Variants in UVRAG observed in about 807,000 individuals in gnomAD.
UVRAG encodes UV radiation resistance-associated gene protein.
A neutral mutation model predicts 78.0 loss-of-function variants in UVRAG; 19 were observed. The observed-to-expected ratio is 0.24, with a 90% CI of 0.17 to 0.36. The LOEUF is 0.36. Among genes scored for constraint, UVRAG ranks in the 10% least tolerant of loss-of-function variants. The pLI, the probability that UVRAG is intolerant of heterozygous loss-of-function variation, is 1.00. For missense variants in UVRAG, 740 were observed against 853.8 expected, an observed-to-expected ratio of 0.87 and a Z score of 1.66; for synonymous variants, 323 against 324.6, an observed-to-expected ratio of 1.00 and a Z score of 0.05.
At position 75,876,160 on chromosome 11, in the gene UVRAG, G is replaced by T. The variant is rs145663194; in HGVS notation, c.271-3719G>T. 2.6e-5 allele frequency among the ~76,000 whole-genome samples: 4 copies of T among 152,186 alleles called. No individual in the cohort carries two copies. In the East Asian group the frequency reaches 7.7e-4, roughly 29 times the overall value. ...TTGGAAATTCTTTGATGTTAATGGT[G>T]ATTATTATTATTATTTAAAAAATAT... On this transcript the variant is annotated intron_variant, in intron 3 of 14. Transcript: ENST00000356136.
chr11:75,820,430 C>T (rs1369813700), intron 1 of UVRAG, among the ~76,000 whole-genome samples: 1 of 151,694 alleles, frequency 6.6e-6, no homozygotes, highest in African/African-American at 2.4e-5. Context: ...TCTCCGCTCA[C>T]CGCAACCTCC....
At chr11:75,961,876 A>T (rs550145996) in intron 7 of UVRAG, among the ~76,000 whole-genome samples, 2 of 152,298 alleles carry the variant, frequency 1.3e-5, no homozygotes, top group East Asian at 3.9e-4. Context: ...GAAAAAAAAA[A>T]TGGGAGCTAA....
chr11:75,891,074 T>C (rs1947203439), intron 5 of UVRAG, among the ~76,000 whole-genome samples: 2 of 152,210 alleles, frequency 1.3e-5, no homozygotes, highest in South Asian at 4.1e-4. Flanking sequence ...ATTCAAACTC[T>C]GATAGACATT....
chr11:76,045,023 T>G, intron 12 of UVRAG, among the ~76,000 whole-genome samples: 1 of 152,152 alleles, frequency 6.6e-6, no homozygotes, highest in Non-Finnish European at 1.5e-5. Flanking sequence ...CCAGGAGTCT[T>G]TGAAGGTGAG....
At chr11:76,020,057 T>G (rs1370161363) in intron 12 of UVRAG, among the ~76,000 whole-genome samples, 5 of 152,164 alleles carry the variant, frequency 3.3e-5, no homozygotes, top group Admixed American at 3.3e-4. Context: ...GACAAAGTCC[T>G]TCCCACTTTT....
intron 13 of UVRAG, among the ~76,000 whole-genome samples, chr11:76,091,625 TG>T (rs1417902735): frequency 5.9e-5 from 9 of 152,158 alleles, no homozygotes; most frequent in Non-Finnish European, 1.2e-4. Context: ...CTTGCCCTTG[TG>T]TTTTTCATTT....
chr11:76,124,796 A>G (rs1320050365), intron 14 of UVRAG, among the ~76,000 whole-genome samples: 1 of 152,242 alleles, frequency 6.6e-6, no homozygotes, highest in East Asian at 1.9e-4. Context: ...GAATCAAGCT[A>G]TAGCTTTAAA....
At chr11:76,132,162 G>A (rs571082766) in intron 14 of UVRAG, among the ~76,000 whole-genome samples, 48 of 152,282 alleles carry the variant, frequency 3.2e-4, no homozygotes, top group Admixed American at 4.6e-4. Flanking sequence ...TGATATTGGC[G>A]CAGACTAGTA....
intron 12 of UVRAG, among the ~76,000 whole-genome samples, chr11:76,017,851 A>G (rs760197509): frequency 1.3e-5 from 2 of 152,214 alleles, no homozygotes; most frequent in African/African-American, 2.4e-5. Flanking sequence ...CTGAGAAAAT[A>G]TATCGCAGCA....
At chr11:75,972,081 C>A (rs1248851650) in intron 7 of UVRAG, among the ~76,000 whole-genome samples, 1 of 151,948 alleles carries the variant, frequency 6.6e-6, no homozygotes, top group Non-Finnish European at 1.5e-5. Flanking sequence ...TAGTGAGACC[C>A]CGTCTGTATT....
chr11:76,007,766 C>T, intron 10 of UVRAG, 145 bp downstream of exon 10: 1 of 667,286 alleles, frequency 1.5e-6, no homozygotes, highest in East Asian at 2.8e-5. Flanking sequence ...CTATTTAAAA[C>T]ATAGATTTAG....
intron 6 of UVRAG, among the ~76,000 whole-genome samples, chr11:75,922,608 T>C (rs765407521): frequency 5.3e-5 from 8 of 152,322 alleles, no homozygotes; most frequent in Non-Finnish European, 8.8e-5. Context: ...CTTGTTCTAA[T>C]TGAAAAAGTT....
intron 3 of UVRAG, among the ~76,000 whole-genome samples, chr11:75,864,467 A>G (rs955513426): frequency 2.6e-5 from 4 of 152,238 alleles, no homozygotes; most frequent in Non-Finnish European, 5.9e-5. Flanking sequence ...CAACCCTCAG[A>G]GAATATGCCA....
chr11:76,020,649 C>CTTT (rs35112254), intron 12 of UVRAG, among the ~76,000 whole-genome samples: 43 of 52,242 alleles, frequency 8.2e-4, no homozygotes, highest in Admixed American at 1.0e-3. Flanking sequence ...AAGAAGGAGT[C>CTTT]TTTTTTTTTT....
intron 9 of UVRAG, among the ~76,000 whole-genome samples, chr11:76,007,125 A>G (rs1949959424): frequency 1.3e-5 from 2 of 152,014 alleles, no homozygotes; most frequent in Non-Finnish European, 2.9e-5. Flanking sequence ...CAGTCCTTCT[A>G]CATCAGCCTC....
intron 6 of UVRAG, among the ~76,000 whole-genome samples, chr11:75,923,788 C>T (rs1413191201): frequency 6.6e-6 from 1 of 152,102 alleles, no homozygotes; most frequent in African/African-American, 2.4e-5. Flanking sequence ...AGATTTCCAA[C>T]ATTATTGCTG....
At chr11:76,039,920 AG>A (rs1565132256) in intron 12 of UVRAG, among the ~76,000 whole-genome samples, 1 of 152,204 alleles carries the variant, frequency 6.6e-6, no homozygotes, top group Non-Finnish European at 1.5e-5. Context: ...CCTTTATCAA[AG>A]AAAAATATAA....
At chr11:75,916,641 A>T (rs1947863007) in intron 6 of UVRAG, 1 of 152,284 alleles carries the variant, frequency 6.6e-6, no homozygotes, top group South Asian at 2.1e-4. Context: ...GCAGCAAAGA[A>T]AGAGTTTAAT....
intron 1 of UVRAG, among the ~76,000 whole-genome samples, chr11:75,845,884 C>T (rs947179430): frequency 6.6e-6 from 1 of 151,940 alleles, no homozygotes; most frequent in African/African-American, 2.4e-5. Context: ...GTTAGCAGAT[C>T]TTAGGAAGTT....
Sources: gnomAD v4.1 joint callset for allele counts (sites outside exome capture counted in the v4.1 genomes callset) on GRCh38, gnomAD v4.1.1 for gene constraint, MANE v1.5 for transcripts, NCBI Gene and HGNC (gene_info 2026-07-23, HGNC 2026-07-21) for gene names.